Variants in GRM3 observed in about 807,000 individuals in gnomAD.
The protein encoded by GRM3 is metabotropic glutamate receptor 3.
A neutral mutation model predicts 70.5 loss-of-function variants in GRM3; 26 were observed. That is an observed-to-expected ratio of 0.37 (90% CI 0.27 to 0.51). The LOEUF (loss-of-function observed/expected upper bound fraction) is 0.51, where lower values mean the gene tolerates loss of function less well. Among genes scored for constraint, GRM3 ranks in the 20% least tolerant of loss-of-function variants. The pLI, the probability that GRM3 is intolerant of heterozygous loss-of-function variation, is 0.93. For synonymous variants in GRM3, 443 were observed against 434.9 expected, an observed-to-expected ratio of 1.02 and a Z score of -0.23; for missense variants, 859 against 1,123.8, an observed-to-expected ratio of 0.76 and a Z score of 3.37.
At chr7:86,857,453 G>C (rs903535360) in intron 5 of GRM3, among the ~76,000 whole-genome samples, 1 of 152,196 alleles carries the variant, frequency 6.6e-6, no homozygotes, top group Non-Finnish European at 1.5e-5. Flanking sequence ...AATTTTGGCT[G>C]TGTGGGCAAA....
chr7:86,801,052 G>A (rs190129163), intron 3 of GRM3, among the ~76,000 whole-genome samples: 27 of 148,584 alleles, frequency 1.8e-4, no homozygotes, highest in Admixed American at 5.4e-4. Flanking sequence ...GTTTTACCAC[G>A]GCAAACTTCT....
intron 1 of GRM3, among the ~76,000 whole-genome samples, chr7:86,697,300 A>C (rs1325120203): frequency 6.6e-6 from 1 of 152,100 alleles, no homozygotes; most frequent in Non-Finnish European, 1.5e-5. Flanking sequence ...AGCAAAAAAA[A>C]AAAAAGATAC....
chr7:86,695,122 A>G (rs955894063), intron 1 of GRM3, among the ~76,000 whole-genome samples: 5 of 152,178 alleles, frequency 3.3e-5, no homozygotes, highest in Non-Finnish European at 1.5e-5. Flanking sequence ...TACCTTCCTG[A>G]TTTATTTATC....
chr7:86,669,180 C>T (rs1794108109), intron 1 of GRM3, among the ~76,000 whole-genome samples: 1 of 152,126 alleles, frequency 6.6e-6, no homozygotes, highest in Admixed American at 6.6e-5. Flanking sequence ...ACATTGGCTG[C>T]ACATAACATC....
intron 1 of GRM3, among the ~76,000 whole-genome samples, chr7:86,662,227 A>G (rs188233610): frequency 1.1e-4 from 16 of 152,016 alleles, no homozygotes; most frequent in Middle Eastern, 3.4e-3. Flanking sequence ...ACCACAAATT[A>G]TCTTTCAGTA....
intron 1 of GRM3, among the ~76,000 whole-genome samples, chr7:86,693,924 C>A (rs1468442015): frequency 6.6e-6 from 1 of 152,170 alleles, no homozygotes; most frequent in Non-Finnish European, 1.5e-5. Flanking sequence ...ACTCAGGTTA[C>A]ACTGGAAATG....
chr7:86,717,207 C>A (rs1795338413), intron 1 of GRM3, among the ~76,000 whole-genome samples: 2 of 151,908 alleles, frequency 1.3e-5, no homozygotes, highest in Admixed American at 1.3e-4. Context: ...TTGTTACCCT[C>A]CATAGAACAA....
At chr7:86,810,512 T>C (rs915541825) in intron 3 of GRM3, among the ~76,000 whole-genome samples, 3 of 152,008 alleles carry the variant, frequency 2.0e-5, no homozygotes, top group Non-Finnish European at 4.4e-5. Flanking sequence ...TTCCTCCAAA[T>C]TGGAAACCAC....
chr7:86,787,376 A>T (rs1014409000), intron 3 of GRM3, among the ~76,000 whole-genome samples: 2 of 152,208 alleles, frequency 1.3e-5, no homozygotes, highest in African/African-American at 4.8e-5. Context: ...GTAGCTCCCT[A>T]GATTAGGGCC....
chr7:86,663,692 G>GAAGT (rs572685003), intron 1 of GRM3, among the ~76,000 whole-genome samples: 17 of 151,958 alleles, frequency 1.1e-4, no homozygotes, highest in Non-Finnish European at 2.1e-4. Flanking sequence ...ACATCGTTAA[G>GAAGT]AAGTTTGTAA....
intron 1 of GRM3, among the ~76,000 whole-genome samples, chr7:86,650,608 G>A (rs2115769886): frequency 6.6e-6 from 1 of 152,262 alleles, no homozygotes; most frequent in Non-Finnish European, 1.5e-5. Context: ...GACTAAGGAT[G>A]AAATTCTAAA....
intron 2 of GRM3, among the ~76,000 whole-genome samples, chr7:86,776,352 C>T (rs1031979212): frequency 4.6e-5 from 7 of 152,148 alleles, no homozygotes; most frequent in Admixed American, 3.9e-4. Flanking sequence ...CAACCCTGTG[C>T]ACTGTTTGCT....
At chr7:86,746,859 C>T (rs1462398494) in intron 1 of GRM3, among the ~76,000 whole-genome samples, 1 of 152,034 alleles carries the variant, frequency 6.6e-6, no homozygotes, top group Non-Finnish European at 1.5e-5. Flanking sequence ...GTAGAAGAAG[C>T]CAAGGGCCTC....
chr7:86,789,788 T>A (rs1182703354), intron 3 of GRM3, among the ~76,000 whole-genome samples: 1 of 152,212 alleles, frequency 6.6e-6, no homozygotes, highest in East Asian at 1.9e-4. Context: ...AGGCCTCCTG[T>A]GAATTTAAAA....
intron 1 of GRM3, among the ~76,000 whole-genome samples, chr7:86,692,669 T>G (rs998414944): frequency 1.3e-5 from 2 of 152,216 alleles, no homozygotes; most frequent in African/African-American, 4.8e-5. Context: ...TATTAAGGAA[T>G]TTTTGCCTGT....
At position 86,728,054 on chromosome 7, in the gene GRM3, A is replaced by G. The variant is rs567218496; in HGVS notation, c.-140-36952A>G. Among the ~76,000 whole-genome samples, 6 of 152,328 alleles carry G rather than the reference A, an allele frequency of 3.9e-5. No homozygotes were observed. In the East Asian group the frequency reaches 5.8e-4, roughly 15 times the overall value. ...TGTCTCTAAATAATATATTCTGTAG[A>G]CAATTTATATTGGCTCAAAAAAGAC... On this transcript the variant is annotated intron_variant, in intron 1 of 5. Coordinates refer to ENST00000361669, the MANE Select transcript of GRM3 (RefSeq NM_000840.3).
At chr7:86,792,963 C>G (rs1202186104) in intron 3 of GRM3, among the ~76,000 whole-genome samples, 1 of 149,426 alleles carries the variant, frequency 6.7e-6, no homozygotes, top group African/African-American at 2.5e-5. Flanking sequence ...TAAGCTAAGA[C>G]AGTTTTCTTT....
chr7:86,753,945 T>C lies in GRM3; in HGVS notation c.-140-11061T>C, dbSNP rs114816346. On this transcript the variant is annotated intron_variant, in intron 1 of 5. Transcript: ENST00000361669. Reference sequence around the variant, plus strand: ...CTGAACACAGCCTTGGGAAGAGATATGTGTAATTGGTTTTTGAGAGATGGT... The same window carrying C: ...CTGAACACAGCCTTGGGAAGAGATACGTGTAATTGGTTTTTGAGAGATGGT... Among the ~76,000 whole-genome samples the C allele has an allele frequency of 9.9e-3, 1,513 of 152,186 alleles. 21 individuals carry two copies. Among genetic ancestry groups the C allele is most frequent in the African/African-American group, 0.034 (1,417 of 41,524 alleles).
chr7:86,663,203 T>C (rs1295457940), intron 1 of GRM3, among the ~76,000 whole-genome samples: 1 of 151,702 alleles, frequency 6.6e-6, no homozygotes, highest in Non-Finnish European at 1.5e-5. Flanking sequence ...CACCTAGAAG[T>C]TACAGTCCAA....
Sources: gnomAD v4.1 joint callset for allele counts (sites outside exome capture counted in the v4.1 genomes callset) on GRCh38, gnomAD v4.1.1 for gene constraint, MANE v1.5 for transcripts, NCBI Gene and HGNC (gene_info 2026-07-23, HGNC 2026-07-21) for gene names.